The following KCND2 variants were observed in gnomAD, a reference collection of about 807,000 sequenced individuals.
KCND2 encodes potassium voltage-gated channel subfamily D member 2.
A neutral mutation model predicts 54.4 loss-of-function variants in KCND2; 16 were observed. The observed-to-expected ratio is 0.29, with a 90% CI of 0.20 to 0.45. The LOEUF (loss-of-function observed/expected upper bound fraction) is 0.45, where lower values mean the gene tolerates loss of function less well. Among genes scored for constraint, KCND2 ranks in the 20% least tolerant of loss-of-function variants. The pLI is 1.00. For missense variants in KCND2, 486 were observed against 824.2 expected (o/e 0.59, Z 5.02); for synonymous variants, 317 against 310.7 (o/e 1.02, Z -0.21).
chr7:120,409,909 C>T (rs1801422258), intron 1 of KCND2, among the ~76,000 whole-genome samples: 1 of 151,778 alleles, frequency 6.6e-6, no homozygotes, highest in African/African-American at 2.4e-5. Flanking sequence ...TACAGTTTAT[C>T]ATTTTTTGTT....
intron 1 of KCND2, among the ~76,000 whole-genome samples, chr7:120,327,552 A>G (rs1799996381): frequency 6.6e-6 from 1 of 152,102 alleles, no homozygotes; most frequent in Admixed American, 6.6e-5. Flanking sequence ...TGCAGCAACT[A>G]AAGAAATTTA....
In KCND2 at chr7:120,273,477, C is replaced by T. The variant is rs1432189073; in HGVS notation, c.-1156C>T. ...GGCCAGGCTCCCGCGACAGTGGCCC[C>T]GCAGTAAGTTGGCAGGAGCGAGTCC... On this transcript the variant is annotated 5_prime_UTR_variant, in exon 1 of 6. Transcript: ENST00000331113. 6.6e-6 allele frequency among the ~76,000 whole-genome samples: 1 copy of T among 150,964 alleles called. No individual in the cohort carries two copies. Among genetic ancestry groups the T allele is most frequent in the Non-Finnish European group, 1.5e-5 (1 of 67,666 alleles).
chr7:120,410,670 A>G (rs1801436435), intron 1 of KCND2, among the ~76,000 whole-genome samples: 2 of 149,186 alleles, frequency 1.3e-5, no homozygotes, highest in Non-Finnish European at 3.0e-5. Context: ...TACATTAGGT[A>G]TATCTCCTAA....
intron 1 of KCND2, among the ~76,000 whole-genome samples, chr7:120,592,526 T>C (rs985849296): frequency 2.6e-5 from 4 of 152,214 alleles, no homozygotes; most frequent in Admixed American, 1.3e-4. Flanking sequence ...AGGGAGACTC[T>C]GTTTCAAAAC....
chr7:120,354,848 A>G lies in KCND2; in HGVS notation c.1115+79101A>G, dbSNP rs1419057340. 2.6e-5 allele frequency among the ~76,000 whole-genome samples: 4 copies of G among 152,238 alleles called. No individual in the cohort carries two copies. The East Asian group carries it at 7.7e-4, about 29-fold the overall frequency. ...AACTTTAATTAAAAATTATCAAAAG[A>G]AAACCCATAACATTGTATATATGAG... On this transcript the variant is annotated intron_variant, in intron 1 of 5. Transcript: ENST00000331113.
At chr7:120,285,266 A>G (rs1031190417) in intron 1 of KCND2, among the ~76,000 whole-genome samples, 1 of 152,086 alleles carries the variant, frequency 6.6e-6, no homozygotes, top group Admixed American at 6.5e-5. Flanking sequence ...TGAACATATC[A>G]TAGCCAATAA....
At chr7:120,601,568 G>A (rs955567420) in intron 1 of KCND2, among the ~76,000 whole-genome samples, 4 of 152,086 alleles carry the variant, frequency 2.6e-5, no homozygotes, top group South Asian at 2.1e-4. Context: ...AGAGTTAATC[G>A]CTGGACAGCA....
chr7:120,674,512 G>A (rs544592011), intron 1 of KCND2, among the ~76,000 whole-genome samples: 10 of 152,188 alleles, frequency 6.6e-5, no homozygotes, highest in Admixed American at 2.0e-4. Context: ...ATATATGAGT[G>A]CAGGTTTAGG....
rs572047849 is a variant in KCND2, at chr7:120,502,011, A to T, written c.1115+226264A>T. Reference sequence around the variant, plus strand: ...TACAGTGTTTTTAACAAGTTCTTTGAGTCATCTGGACAATGAGATGTAATC... The same window carrying T: ...TACAGTGTTTTTAACAAGTTCTTTGTGTCATCTGGACAATGAGATGTAATC... On this transcript the variant is annotated intron_variant, in intron 1 of 5. Transcript: ENST00000331113. Among the ~76,000 whole-genome samples the T allele has an allele frequency of 3.2e-4, 49 of 152,180 alleles. No individual in the cohort carries two copies. In the East Asian group the frequency reaches 9.1e-3, roughly 28 times the overall value.
chr7:120,360,586 G>C (rs1334887705), intron 1 of KCND2, among the ~76,000 whole-genome samples: 1 of 152,100 alleles, frequency 6.6e-6, no homozygotes, highest in Non-Finnish European at 1.5e-5. Context: ...TACTTTGAAA[G>C]TAGACTGAGT....
intron 1 of KCND2, among the ~76,000 whole-genome samples, chr7:120,523,475 T>C (rs958876472): frequency 6.6e-5 from 10 of 150,378 alleles, no homozygotes; most frequent in Admixed American, 4.0e-4. Flanking sequence ...AGGTTTAATA[T>C]AATTTTTTAG....
intron 1 of KCND2, among the ~76,000 whole-genome samples, chr7:120,518,636 A>C (rs144563992): frequency 1.9e-3 from 282 of 152,306 alleles, no homozygotes; most frequent in Middle Eastern, 0.014. Flanking sequence ...ACGAATCTAA[A>C]TTTCATTATA....
intron 1 of KCND2, among the ~76,000 whole-genome samples, chr7:120,523,738 GTGTGTGTGTA>G (rs1363144160): frequency 6.0e-4 from 87 of 145,002 alleles, no homozygotes; most frequent in African/African-American, 1.9e-3. Context: ...GTGTGTGTGT[GTGTGTGTGTA>G]TGTCTTTGGC....
chr7:120,735,900 G>A (rs1792863727), intron 2 of KCND2, among the ~76,000 whole-genome samples: 2 of 151,904 alleles, frequency 1.3e-5, no homozygotes, highest in African/African-American at 2.4e-5. Context: ...AGTTACCAGG[G>A]GATATTTTCT....
intron 1 of KCND2, among the ~76,000 whole-genome samples, chr7:120,408,902 G>A (rs576238292): frequency 6.6e-6 from 1 of 151,822 alleles, no homozygotes; most frequent in Admixed American, 6.6e-5. Context: ...TAAATTACAT[G>A]ATATGAGCGC....
At chr7:120,424,053 G>A (rs1801665463) in intron 1 of KCND2, among the ~76,000 whole-genome samples, 1 of 152,128 alleles carries the variant, frequency 6.6e-6, no homozygotes, top group African/African-American at 2.4e-5. Flanking sequence ...CTCAGAAAAT[G>A]GCTAATTACT....
At chr7:120,493,579 T>G (rs1802812732) in intron 1 of KCND2, among the ~76,000 whole-genome samples, 1 of 152,108 alleles carries the variant, frequency 6.6e-6, no homozygotes, top group Non-Finnish European at 1.5e-5. Context: ...GCATTTCCTT[T>G]TCACAGAAAA....
intron 1 of KCND2, among the ~76,000 whole-genome samples, chr7:120,333,228 C>T (rs149199063): frequency 6.6e-6 from 1 of 152,218 alleles, no homozygotes; most frequent in East Asian, 1.9e-4. Context: ...TATTCCTTAT[C>T]TTCTTCACAG....
chr7:120,548,032 C>G (rs768487235), intron 1 of KCND2, among the ~76,000 whole-genome samples: 5 of 152,044 alleles, frequency 3.3e-5, no homozygotes, highest in Non-Finnish European at 7.4e-5. Context: ...TATGATGAAG[C>G]AGTTGTTCTG....
Sources: gnomAD v4.1 joint callset for allele counts (sites outside exome capture counted in the v4.1 genomes callset) on GRCh38, gnomAD v4.1.1 for gene constraint, MANE v1.5 for transcripts, NCBI Gene and HGNC (gene_info 2026-07-23, HGNC 2026-07-21) for gene names.